The following TTC7B variants were observed in gnomAD, a reference collection of about 807,000 sequenced individuals.
TTC7B encodes the protein tetratricopeptide repeat domain 7B.
TTC7B carries 28 observed loss-of-function variants against 106.8 expected under a neutral mutation model. The observed-to-expected ratio is 0.26, with a 90% confidence interval of 0.19 to 0.36. TTC7B has a LOEUF of 0.36. Ranked by LOEUF, TTC7B falls within the 10% of genes least tolerant of loss-of-function variation. The pLI, the probability that TTC7B is intolerant of heterozygous loss-of-function variation, is 1.00. For missense variants in TTC7B, 862 were observed against 1,076.4 expected (o/e 0.80, Z 2.79); for synonymous variants, 405 against 430.6 (o/e 0.94, Z 0.74).
chr14:90,631,032 C>T (rs1236671054), intron 15 of TTC7B, among the ~76,000 whole-genome samples: 1 of 152,144 alleles, frequency 6.6e-6, no homozygotes, highest in African/African-American at 2.4e-5. Context: ...GACGGGGTTT[C>T]ACTGTGTTAG....
intron 9 of TTC7B, among the ~76,000 whole-genome samples, chr14:90,658,718 G>C (rs1886057891): frequency 6.6e-6 from 1 of 152,210 alleles, no homozygotes; most frequent in Admixed American, 6.5e-5. Flanking sequence ...GCGAGAAACA[G>C]GACTGTGGTG....
chr14:90,717,055 T>G (rs974227695), intron 5 of TTC7B, among the ~76,000 whole-genome samples: 1 of 152,022 alleles, frequency 6.6e-6, no homozygotes. Flanking sequence ...TAAGAAATAA[T>G]CCAGCCAGGC....
intron 3 of TTC7B, among the ~76,000 whole-genome samples, chr14:90,776,814 G>T (rs1056161081): frequency 1.3e-5 from 2 of 152,178 alleles, no homozygotes; most frequent in Non-Finnish European, 2.9e-5. Flanking sequence ...AGTCTCTGAG[G>T]TCAAGTCCTG....
rs1027934576 is a variant in TTC7B, at chr14:90,699,522, C to T, written c.699-3944G>A. On this transcript the variant is annotated intron_variant, in intron 5 of 19. Coordinates refer to ENST00000328459, the MANE Select transcript of TTC7B (RefSeq NM_001010854.2). ...TAAATTCAATATCACCTGTCATTGT[C>T]GTGGAAACTCAAAGTAGTAGTGTGA... The T allele has an allele frequency of 5.0e-5, 15 of 300,492 alleles. 1 individual carries two copies. Among genetic ancestry groups the T allele is most frequent in the Non-Finnish European group, 6.4e-5 (10 of 155,168 alleles). 18.6% of individuals were successfully genotyped at this position (300,492 alleles called of 1,614,324 possible).
intron 5 of TTC7B, among the ~76,000 whole-genome samples, chr14:90,709,491 A>T (rs1888349447): frequency 7.1e-6 from 1 of 139,894 alleles, no homozygotes; most frequent in East Asian, 2.2e-4. Flanking sequence ...AACAATGAGA[A>T]CACATGGACA....
intron 19 of TTC7B, among the ~76,000 whole-genome samples, chr14:90,576,832 T>C (rs892776826): frequency 7.9e-5 from 12 of 152,258 alleles, no homozygotes; most frequent in Admixed American, 5.2e-4. Context: ...AATGGCAAGA[T>C]AATGAAGGCT....
chr14:90,644,191 C>T lies in TTC7B; in HGVS notation c.1608G>A (p.Gly536=), dbSNP rs748379060. ...AISRQIPEAL[G]YVRQALQLQG... ...GAAGCTGAAGAGCTTGGCGGACATACCCCAGAGCCTCTGGGATCTGGTTTA... is the reference window on the plus strand; with the variant it reads ...GAAGCTGAAGAGCTTGGCGGACATATCCCAGAGCCTCTGGGATCTGGTTTA... The change falls in exon 15 of 20, where the codon GGG becomes GGA. Residue 536 remains glycine, a synonymous_variant. Transcript: ENST00000328459. 2.5e-6 allele frequency: 4 copies of T among 1,596,908 alleles called. No individual in the cohort carries two copies. Among genetic ancestry groups the T allele is most frequent in the African/African-American group, 2.7e-5 (2 of 73,620 alleles).
chr14:90,743,976 C>T (rs941560656), intron 4 of TTC7B, among the ~76,000 whole-genome samples: 3 of 152,120 alleles, frequency 2.0e-5, no homozygotes, highest in Admixed American at 1.3e-4. Flanking sequence ...GTCAGCTGCT[C>T]GTTTCCATCA....
intron 16 of TTC7B, among the ~76,000 whole-genome samples, chr14:90,613,148 C>A (rs1471884943): frequency 6.6e-6 from 1 of 152,182 alleles, no homozygotes; most frequent in Non-Finnish European, 1.5e-5. Flanking sequence ...GTCATCTCAG[C>A]ACTTTGGGAG....
At chr14:90,542,059 C>A (rs1889619994) in intron 19 of TTC7B, among the ~76,000 whole-genome samples, 1 of 152,166 alleles carries the variant, frequency 6.6e-6, no homozygotes, top group Non-Finnish European at 1.5e-5. Context: ...CCTGCCTCAG[C>A]CTCCCCAGTA....
At chr14:90,784,788 C>G (rs527624883) in intron 2 of TTC7B, among the ~76,000 whole-genome samples, 8 of 152,130 alleles carry the variant, frequency 5.3e-5, no homozygotes, top group Admixed American at 4.6e-4. Flanking sequence ...CCAGCCACCC[C>G]CTAGGGGCCT....
intron 1 of TTC7B, among the ~76,000 whole-genome samples, chr14:90,796,956 C>T (rs533588788): frequency 8.4e-4 from 127 of 151,648 alleles, no homozygotes; most frequent in African/African-American, 2.6e-3. Flanking sequence ...AGCAATTCTC[C>T]TGCCTCAGCC....
chr14:90,625,827 G>C (rs1884414955), intron 15 of TTC7B, among the ~76,000 whole-genome samples: 1 of 152,228 alleles, frequency 6.6e-6, no homozygotes, highest in Non-Finnish European at 1.5e-5. Context: ...ACAATTCTTA[G>C]ATCATCTGGC....
intron 19 of TTC7B, among the ~76,000 whole-genome samples, chr14:90,554,591 G>A (rs1023646776): frequency 5.3e-5 from 8 of 152,306 alleles, no homozygotes; most frequent in African/African-American, 1.9e-4. Context: ...CTCGAGCCAC[G>A]CTCTTGCCCT....
intron 1 of TTC7B, among the ~76,000 whole-genome samples, chr14:90,809,475 C>T (rs535182475): frequency 4.6e-5 from 7 of 152,168 alleles, no homozygotes; most frequent in East Asian, 1.9e-4. Flanking sequence ...GGTGGGAGTC[C>T]GAGCTGGAAG....
At chr14:90,713,821 TGTA>T (rs1200038054) in intron 5 of TTC7B, among the ~76,000 whole-genome samples, 2 of 152,104 alleles carry the variant, frequency 1.3e-5, no homozygotes, top group Non-Finnish European at 2.9e-5. Flanking sequence ...TAAACAAAAA[TGTA>T]GTATATCCAT....
rs1001110549 is a variant in TTC7B, at chr14:90,694,302, A to G, written c.777+1198T>C. ...TATAGCAAATGCCCCAAATAGGCAA[A>G]TCCATAGAAACAGAAAGTAAATTAG... On this transcript the variant is annotated intron_variant, in intron 6 of 19. Coordinates refer to ENST00000328459, the MANE Select transcript of TTC7B (RefSeq NM_001010854.2). 2.6e-5 allele frequency among the ~76,000 whole-genome samples: 4 copies of G among 152,188 alleles called. No individual in the cohort carries two copies. In the East Asian group the frequency reaches 7.7e-4, roughly 29 times the overall value.
intron 15 of TTC7B, among the ~76,000 whole-genome samples, 172 bp from the exon 16 acceptor site, chr14:90,618,217 G>A (rs1420445921): frequency 3.9e-5 from 6 of 152,220 alleles, no homozygotes; most frequent in Non-Finnish European, 8.8e-5. Flanking sequence ...GGCTCAAGGT[G>A]TTGCTTTGCA....
intron 18 of TTC7B, among the ~76,000 whole-genome samples, chr14:90,582,484 G>A (rs1030616148): frequency 6.6e-6 from 1 of 152,224 alleles, no homozygotes; most frequent in Non-Finnish European, 1.5e-5. Context: ...ACCCTAGGCT[G>A]AGCATTTTCC....
Sources: allele counts gnomAD v4.1 joint callset (sites outside exome capture counted in the v4.1 genomes callset), GRCh38; gene constraint gnomAD v4.1.1; transcripts MANE v1.5; gene names NCBI Gene and HGNC (gene_info 2026-07-23, HGNC 2026-07-21).